RANBP2: variants seen among roughly 807,000 people sequenced by gnomAD.
The protein encoded by RANBP2 is RAN binding protein 2.
In RANBP2, 57 loss-of-function variants were observed where a neutral mutation model predicts 303.6. That is an observed-to-expected ratio of 0.19 (90% CI 0.15 to 0.23). The LOEUF (loss-of-function observed/expected upper bound fraction) is 0.23, where lower values mean the gene tolerates loss of function less well. RANBP2 is among the 10% of genes least tolerant of loss of function. The pLI, the probability that RANBP2 is intolerant of heterozygous loss-of-function variation, is 1.00. For missense variants in RANBP2, 3,138 were observed against 3,780.8 expected (o/e 0.83, Z 4.46); for synonymous variants, 1,167 against 1,301.5 (o/e 0.90, Z 2.23).
chr2:108,990,300 G>A, the RANBP2 span, among the ~76,000 whole-genome samples: 42 of 151,692 alleles, frequency 2.8e-4, no homozygotes, highest in African/African-American at 6.3e-4. Flanking sequence ...GCGTGGTGGC[G>A]GGCGCCTGTA....
chr2:109,375,931 G>T, the RANBP2 span, among the ~76,000 whole-genome samples: 1 of 152,234 alleles, frequency 6.6e-6, no homozygotes, highest in Non-Finnish European at 1.5e-5. Context: ...TACATCACCT[G>T]CACATTGGGG....
the RANBP2 span, among the ~76,000 whole-genome samples, chr2:109,001,007 A>AG: frequency 6.6e-6 from 1 of 152,220 alleles, no homozygotes; most frequent in South Asian, 2.1e-4. Flanking sequence ...GCATCCTTCC[A>AG]GGGGGAAGTA....
intron 8 of RANBP2, 134 bp downstream of exon 8, chr2:108,746,932 G>A: frequency 3.2e-6 from 4 of 1,236,450 alleles, no homozygotes; most frequent in Non-Finnish European, 4.4e-6. Context: ...TCAGTTAAGA[G>A]CAATAGGTAT....
the RANBP2 span, among the ~76,000 whole-genome samples, chr2:108,993,941 T>A: frequency 6.6e-6 from 1 of 152,262 alleles, no homozygotes; most frequent in Admixed American, 6.5e-5. Context: ...CCATGGCAGA[T>A]GGGGTGAGGC....
chr2:109,073,659 A>G, the RANBP2 span, among the ~76,000 whole-genome samples: 1 of 149,866 alleles, frequency 6.7e-6, no homozygotes, highest in Non-Finnish European at 1.5e-5. Context: ...ACAGAGCGAG[A>G]CTCTGTCTCA....
At chr2:109,345,490 T>A in the RANBP2 span, among the ~76,000 whole-genome samples, 1 of 152,136 alleles carries the variant, frequency 6.6e-6, no homozygotes, top group Non-Finnish European at 1.5e-5. Context: ...AACACGGCTT[T>A]TAAGCCTCAC....
the RANBP2 span, among the ~76,000 whole-genome samples, chr2:109,315,859 T>C: frequency 2.0e-5 from 3 of 152,186 alleles, no homozygotes; most frequent in African/African-American, 7.2e-5. Flanking sequence ...CAGGACGTGA[T>C]CTAGGCATCA....
At chr2:109,416,745 A>G in the RANBP2 span, among the ~76,000 whole-genome samples, 1 of 151,754 alleles carries the variant, frequency 6.6e-6, no homozygotes, top group Non-Finnish European at 1.5e-5. Context: ...AACAACAACA[A>G]CGAACAAAAT....
the RANBP2 span, among the ~76,000 whole-genome samples, chr2:109,098,659 A>G: frequency 6.6e-6 from 1 of 152,226 alleles, no homozygotes; most frequent in Non-Finnish European, 1.5e-5. Context: ...AGTGTTGCCC[A>G]ATCCTATAGT....
the RANBP2 span, among the ~76,000 whole-genome samples, chr2:109,266,404 C>T: frequency 1.2e-3 from 175 of 152,056 alleles, 1 homozygote; most frequent in African/African-American, 4.0e-3. Flanking sequence ...GAGTGTCCTC[C>T]GATACAACAA....
chr2:109,490,694 C>T, the RANBP2 span: 6 of 1,531,774 alleles, frequency 3.9e-6, no homozygotes, highest in Non-Finnish European at 4.4e-6. Flanking sequence ...CTCCAACCCA[C>T]GACCCCCAGG....
At chr2:108,873,297 AATG>A in the RANBP2 span, 248,443 of 324,600 alleles carry the variant, frequency 0.77, 99,840 homozygotes, top group East Asian at 0.9. Context: ...TAATTTTTCA[AATG>A]ATGATATTTT....
At chr2:109,268,635 G>C in the RANBP2 span, among the ~76,000 whole-genome samples, 1 of 152,218 alleles carries the variant, frequency 6.6e-6, no homozygotes, top group East Asian at 1.9e-4. Flanking sequence ...GTGCAGAAGC[G>C]ATACACATTC....
chr2:109,637,240 G>A, the RANBP2 span, among the ~76,000 whole-genome samples: 2 of 152,188 alleles, frequency 1.3e-5, no homozygotes, highest in African/African-American at 4.8e-5. Context: ...CTGTAAACAT[G>A]TCTCGCCTCC....
the RANBP2 span, among the ~76,000 whole-genome samples, chr2:109,692,968 G>A: frequency 2.6e-5 from 4 of 151,582 alleles, no homozygotes; most frequent in South Asian, 4.2e-4. Flanking sequence ...ACAGGCACCC[G>A]CCACGGTGTC....
the RANBP2 span, among the ~76,000 whole-genome samples, chr2:109,350,643 C>T: frequency 2.6e-5 from 4 of 152,232 alleles, no homozygotes; most frequent in Admixed American, 2.0e-4. Flanking sequence ...TGTGACTCTC[C>T]GCTCAGTTCC....
Position 108,768,015 on chromosome 2 carries a change from T to C in RANBP2, c.7476T>C (p.Thr2492=). 3 of 1,611,676 alleles carry C rather than the reference T, an allele frequency of 1.9e-6. No homozygotes were observed. Residue 2492 remains threonine (T), a synonymous_variant, in exon 20 of 29, where the codon ACT becomes ACC. Coordinates refer to ENST00000283195, the MANE Select transcript of RANBP2 (RefSeq NM_006267.5). ...VIQGDDVADA[T]SEVEVSSTSE... ...AGGGTGATGATGTAGCAGATGCAAC[T>C]TCAGAAGTTGAAGTGTCTAGCACAT... is the stretch of plus-strand genomic sequence containing the variant.
chr2:109,517,436 C>T, the RANBP2 span, among the ~76,000 whole-genome samples: 1 of 152,218 alleles, frequency 6.6e-6, no homozygotes, highest in Non-Finnish European at 1.5e-5. Context: ...GCCGAACCAC[C>T]GCAGCAAGGA....
At chr2:109,205,793 G>A in the RANBP2 span, among the ~76,000 whole-genome samples, 2 of 152,188 alleles carry the variant, frequency 1.3e-5, no homozygotes, top group Non-Finnish European at 2.9e-5. Context: ...GAAGCAGCGG[G>A]GGGATCAGAG....
Sources: gnomAD v4.1 joint callset for allele counts (sites outside exome capture counted in the v4.1 genomes callset) on GRCh38, gnomAD v4.1.1 for gene constraint, MANE v1.5 for transcripts, NCBI Gene and HGNC (gene_info 2026-07-23, HGNC 2026-07-21) for gene names.